Variants in NTM observed in about 807,000 individuals in gnomAD.
The protein encoded by NTM is neurotrimin, also known as IgLON family member 2.
In NTM, 13 loss-of-function variants were observed where a neutral mutation model predicts 42.1. The ratio of observed to expected loss-of-function variants is 0.31; its 90% confidence interval spans 0.20 to 0.49. NTM has a LOEUF of 0.49. Among genes scored for constraint, NTM ranks in the 20% least tolerant of loss-of-function variants. The probability of loss-of-function intolerance (pLI) is 0.99; values close to 1 mark genes in which losing one functional copy is unlikely to be tolerated. For synonymous variants in NTM, 187 were observed against 179.2 expected, an observed-to-expected ratio of 1.04 and a Z score of -0.35; for missense variants, 373 against 452.8, an observed-to-expected ratio of 0.82 and a Z score of 1.60.
chr11:132,083,809 A>G (rs1374737544), intron 2 of NTM, among the ~76,000 whole-genome samples: 6 of 152,368 alleles, frequency 3.9e-5, no homozygotes, highest in Admixed American at 2.6e-4. Flanking sequence ...CCATATTGCC[A>G]TAAGATAAGA....
intron 1 of NTM, among the ~76,000 whole-genome samples, chr11:131,385,717 C>T (rs536124664): frequency 7.2e-5 from 11 of 152,168 alleles, no homozygotes; most frequent in South Asian, 2.1e-4. Flanking sequence ...ATTATCCAGG[C>T]GCAGAGGTGC....
chr11:131,633,788 T>TCA (rs56371727), intron 1 of NTM, among the ~76,000 whole-genome samples: 19,887 of 50,262 alleles, frequency 0.4, 5,270 homozygotes, highest in Non-Finnish European at 0.58. Flanking sequence ...TCTCTCTCTC[T>TCA]CACACACACA....
rs573493903 is a variant in NTM at position 132,046,373 on chromosome 11, A to T, written c.168-99909A>T. ...TAACTGTTTTAAGTAAAAATAAATA[A>T]GAAAAAGGAAAAGAAAAAAAAAAAC... is the stretch of plus-strand genomic sequence containing the variant. On this transcript the variant is annotated intron_variant, in intron 2 of 8. Transcript: ENST00000683400. Among the ~76,000 whole-genome samples the T allele has an allele frequency of 1.8e-4, 27 of 147,694 alleles. No individual in the cohort carries two copies. In the East Asian group the frequency reaches 4.1e-3, roughly 22 times the overall value.
intron 4 of NTM, among the ~76,000 whole-genome samples, chr11:132,214,729 T>G (rs1293914288): frequency 6.6e-6 from 1 of 152,174 alleles, no homozygotes; most frequent in Non-Finnish European, 1.5e-5. Context: ...ACAGATTCAT[T>G]TCCCAAGGGA....
At chr11:131,460,742 C>T (rs186191494) in intron 1 of NTM, among the ~76,000 whole-genome samples, 27 of 152,140 alleles carry the variant, frequency 1.8e-4, no homozygotes, top group African/African-American at 3.6e-4. Flanking sequence ...TTAATAGAGA[C>T]GGGGTTTCAC....
chr11:132,287,837 G>T (rs928163991), intron 4 of NTM, among the ~76,000 whole-genome samples: 3 of 152,204 alleles, frequency 2.0e-5, no homozygotes, highest in Non-Finnish European at 2.9e-5. Flanking sequence ...ATGTCCAAAT[G>T]CAGGATATGG....
At chr11:132,325,433 C>T (rs1337438248) in intron 7 of NTM, among the ~76,000 whole-genome samples, 3 of 152,178 alleles carry the variant, frequency 2.0e-5, no homozygotes, top group Non-Finnish European at 2.9e-5. Context: ...CCATCACTGG[C>T]CATCAGAGAA....
At chr11:132,211,552 G>A (rs1451306553) in intron 3 of NTM, among the ~76,000 whole-genome samples, 1 of 152,266 alleles carries the variant, frequency 6.6e-6, no homozygotes, top group Non-Finnish European at 1.5e-5. Context: ...GGAAAGGTGG[G>A]CTGATGCTTG....
intron 2 of NTM, among the ~76,000 whole-genome samples, chr11:132,086,548 C>G (rs1034369991): frequency 6.6e-6 from 1 of 152,146 alleles, no homozygotes; most frequent in African/African-American, 2.4e-5. Context: ...CACCATGTGT[C>G]CAATGTTTCT....
intron 1 of NTM, chr11:131,385,306 C>T (rs1943176992): frequency 6.6e-6 from 1 of 152,196 alleles, no homozygotes; most frequent in Non-Finnish European, 1.5e-5. Context: ...AAGAGGCCCT[C>T]TAGTCCATAG....
At chr11:131,677,415 A>G (rs1270433785) in intron 1 of NTM, among the ~76,000 whole-genome samples, 4 of 152,204 alleles carry the variant, frequency 2.6e-5, no homozygotes, top group Non-Finnish European at 5.9e-5. Flanking sequence ...ATTTATTTTT[A>G]ACATATCAGC....
intron 2 of NTM, among the ~76,000 whole-genome samples, chr11:132,114,955 A>G (rs1348632731): frequency 6.6e-6 from 1 of 152,228 alleles, no homozygotes. Flanking sequence ...TTCTTTGGAT[A>G]TATACCCACA....
At chr11:131,965,356 C>G (rs1271952444) in intron 2 of NTM, among the ~76,000 whole-genome samples, 1 of 151,990 alleles carries the variant, frequency 6.6e-6, no homozygotes, top group Non-Finnish European at 1.5e-5. Context: ...AAGGAAATAA[C>G]TTATAGAGTG....
Position 131,968,674 on chromosome 11 carries a change from G to A in NTM, c.167+57026G>A, listed in dbSNP as rs914274079. On this transcript the variant is annotated intron_variant, in intron 2 of 8. Coordinates refer to ENST00000683400, the MANE Select transcript of NTM (RefSeq NM_001352005.2). The stretch of plus-strand genomic sequence containing the variant: ...TGTGCTGTAGTAAAAGTGTAGCAGC[G>A]TTTCAAGCTATGGGGTTATTGCTGG... Among the ~76,000 whole-genome samples the A allele has an allele frequency of 8.5e-5, 13 of 152,160 alleles. 1 individual carries two copies. The highest frequency in any genetic ancestry group is 6.5e-4 in the Admixed American group (10 of 15,278).
chr11:132,231,654 GAT>G (rs1334041422), intron 4 of NTM, among the ~76,000 whole-genome samples: 1 of 152,182 alleles, frequency 6.6e-6, no homozygotes, highest in African/African-American at 2.4e-5. Flanking sequence ...CTTGAACTGT[GAT>G]ATGTTTTTCG....
chr11:131,658,688 G>A (rs1174385369), intron 1 of NTM, among the ~76,000 whole-genome samples: 1 of 152,218 alleles, frequency 6.6e-6, no homozygotes, highest in African/African-American at 2.4e-5. Context: ...AGGTGTAAGC[G>A]GCCGGACGCG....
chr11:131,388,431 T>G (rs1943586933), intron 1 of NTM, among the ~76,000 whole-genome samples: 2 of 151,892 alleles, frequency 1.3e-5, no homozygotes, highest in Non-Finnish European at 2.9e-5. Context: ...TGGGTTTTTT[T>G]TTTTTTTTTT....
At chr11:132,268,324 CTAT>C (rs778793169) in intron 4 of NTM, among the ~76,000 whole-genome samples, 31 of 152,154 alleles carry the variant, frequency 2.0e-4, no homozygotes, top group Non-Finnish European at 3.7e-4. Context: ...TACGTATACA[CTAT>C]TATTTTATTT....
intron 2 of NTM, among the ~76,000 whole-genome samples, chr11:132,113,226 G>C (rs2063461198): frequency 1.3e-5 from 2 of 152,182 alleles, no homozygotes; most frequent in Admixed American, 6.5e-5. Context: ...GTCTCAGCGA[G>C]GCACTTCTCC....
Sources: allele counts gnomAD v4.1 joint callset (sites outside exome capture counted in the v4.1 genomes callset), GRCh38; gene constraint gnomAD v4.1.1; transcripts MANE v1.5; gene names NCBI Gene and HGNC (gene_info 2026-07-23, HGNC 2026-07-21).